PSG5: variants seen among roughly 807,000 people sequenced by gnomAD.
PSG5 encodes pregnancy-specific beta-1-glycoprotein 5.
In PSG5, 53 loss-of-function variants were observed where a neutral mutation model predicts 37.7. The observed-to-expected ratio is 1.41, with a 90% CI of 1.13 to 1.77. The LOEUF (loss-of-function observed/expected upper bound fraction) is 1.77, where lower values mean the gene tolerates loss of function less well. Among genes scored for constraint, PSG5 ranks in the 40% most tolerant of loss-of-function variants. The probability of loss-of-function intolerance (pLI) is 0.00; values close to 1 mark genes in which losing one functional copy is unlikely to be tolerated. For missense variants in PSG5, 547 were observed against 405.2 expected (o/e 1.35, Z -3.00); for synonymous variants, 221 against 155.4 (o/e 1.42, Z -3.14).
rs760268433 is a variant in PSG5 at position 43,184,954 on chromosome 19, A to G, written c.258T>C (p.Gly86=). Reference sequence around the variant, plus strand: ...ATGCAGGCCCATATATATTTATTTGACCGTCTACTACATATGATGTAATGT... The same window carrying G: ...ATGCAGGCCCATATATATTTATTTGGCCGTCTACTACATATGATGTAATGT... ...YHYITSYVVD[G]QINIYGPAYT... Residue 86 remains glycine, a synonymous_variant, in exon 2 of 6, where the codon GGT becomes GGC. Transcript: ENST00000342951. The G allele has an allele frequency of 1.5e-5, 24 of 1,612,290 alleles. 2 individuals carry two copies. In the African/African-American group the frequency reaches 2.0e-4, roughly 14 times the overall value.
intron 2 of PSG5, among the ~76,000 whole-genome samples, chr19:43,178,320 G>C (rs1453533989): frequency 6.6e-6 from 1 of 151,498 alleles, no homozygotes; most frequent in Non-Finnish European, 1.5e-5. Flanking sequence ...TTGGTGATTT[G>C]GGGAATAAAG....
At chr19:43,180,144 A>C (rs1969097236) in intron 2 of PSG5, among the ~76,000 whole-genome samples, 2 of 151,548 alleles carry the variant, frequency 1.3e-5, no homozygotes, top group South Asian at 2.1e-4. Context: ...TATGTACCTC[A>C]TATCAGTGGA....
At chr19:43,177,644 G>A (rs140979910) in intron 2 of PSG5, among the ~76,000 whole-genome samples, 4 of 151,474 alleles carry the variant, frequency 2.6e-5, no homozygotes, top group East Asian at 1.9e-4. Context: ...TATGTCATGA[G>A]AACTTTAAAC....
intron 4 of PSG5, 25 bp from the exon 5 acceptor site, chr19:43,170,163 A>C: frequency 6.4e-7 from 1 of 1,556,072 alleles, no homozygotes; most frequent in Non-Finnish European, 8.8e-7. Context: ...AAAGTAAAGA[A>C]GGAATGAAGG....
intron 1 of PSG5, 33 bp from the exon 2 acceptor site, chr19:43,185,180 A>T: frequency 6.4e-7 from 1 of 1,569,766 alleles, no homozygotes; most frequent in Non-Finnish European, 8.6e-7. Context: ...GTCAATATTG[A>T]GACCTGTGTA....
chr19:43,179,141 G>A, intron 2 of PSG5: 2 of 1,595,756 alleles, frequency 1.3e-6, no homozygotes, highest in Non-Finnish European at 1.7e-6. Context: ...TGGAGATGGA[G>A]GGCTTGGGAG....
chr19:43,184,770 G>A lies in PSG5; in HGVS notation c.430+12C>T, dbSNP rs757890696. 4.3e-6 allele frequency: 7 copies of A among 1,611,964 alleles called. No individual in the cohort carries two copies. The highest frequency in any genetic ancestry group is 2.2e-5 in the East Asian group (1 of 44,864). On this transcript the variant is annotated intron_variant, in intron 2 of 5. Coordinates refer to ENST00000342951, the MANE Select transcript of PSG5 (RefSeq NM_002781.4). ...GTCCCCCAACACCCAGGGATCATGT[G>A]GAATCACTCACGGTATAAGTTGAAG... is the stretch of plus-strand genomic sequence containing the variant.
chr19:43,184,924 A>T lies in PSG5; in HGVS notation c.288T>A (p.Thr96=). Residue 96 remains threonine, a synonymous_variant, in exon 2 of 6, where the codon ACT becomes ACA. Coordinates refer to ENST00000342951, the MANE Select transcript of PSG5 (RefSeq NM_002781.4). ...CATTGGAATATACTGTTTCTCGTCC[A>T]GTGTATGCAGGCCCATATATATTTA... is the stretch of plus-strand genomic sequence containing the variant. ...GQINIYGPAY[T]GRETVYSNAS... is the part of the protein sequence containing the mutation. 6.2e-7 allele frequency: 1 copy of T among 1,612,590 alleles called. No individual in the cohort carries two copies. The highest frequency in any genetic ancestry group is 8.5e-7 in the Non-Finnish European group (1 of 1,179,168).
chr19:43,173,800 T>C (rs902882016), intron 4 of PSG5, among the ~76,000 whole-genome samples: 3 of 151,602 alleles, frequency 2.0e-5, no homozygotes, highest in African/African-American at 7.3e-5. Flanking sequence ...CTGTAAAAAG[T>C]GGTGTGGCTG....
chr19:43,167,967 TG>T lies in PSG5; in HGVS notation c.*276del, dbSNP rs1968822149. The T allele has an allele frequency of 2.5e-6, 1 of 403,494 alleles. No homozygotes were observed. The highest frequency in any genetic ancestry group is 4.6e-6 in the Non-Finnish European group (1 of 219,170). 25.0% of individuals were successfully genotyped at this position (403,494 alleles called of 1,614,324 possible). ...GAAAATTATGAAAACATTATGCTTT[TG>T]ATTATTTAGTCCAATAACATGGAGT... On this transcript the variant is annotated 3_prime_UTR_variant, in exon 6 of 6. Transcript: ENST00000342951.
At chr19:43,170,514 C>T in intron 4 of PSG5, 1 of 445,304 alleles carries the variant, frequency 2.2e-6, no homozygotes, top group Non-Finnish European at 4.4e-6. Flanking sequence ...TGTCAGGTCT[C>T]CATGGCAGGG....
chr19:43,170,090 G>C lies in PSG5; in HGVS notation c.*5C>G, dbSNP rs3207395. ...TCCTGAAATACAGAAATGACTTCAC[G>C]GCTGCTATATTGGATTAAGGAGAGG... On this transcript the variant is annotated 3_prime_UTR_variant, in exon 5 of 6. Transcript: ENST00000342951. 1.9e-6 allele frequency: 3 copies of C among 1,580,096 alleles called. No homozygotes were observed. The highest frequency in any genetic ancestry group is 1.7e-5 in the Admixed American group (1 of 59,138).
chr19:43,169,240 T>A (rs1281193985), intron 5 of PSG5, among the ~76,000 whole-genome samples: 1 of 151,700 alleles, frequency 6.6e-6, no homozygotes, highest in East Asian at 1.9e-4. Context: ...CCTTGCCTTC[T>A]TCATTTCTGT....
At chr19:43,179,149 G>A (rs1390774599) in intron 2 of PSG5, 12 of 1,592,070 alleles carry the variant, frequency 7.5e-6, no homozygotes, top group Non-Finnish European at 1.0e-5. Context: ...GAGGGCTTGG[G>A]AGTTTCCACT....
chr19:43,176,247 C>A, intron 2 of PSG5, 99 bp from the exon 3 acceptor site: 1 of 1,544,442 alleles, frequency 6.5e-7, no homozygotes, highest in South Asian at 1.2e-5. Flanking sequence ...TGTCAACCCA[C>A]CAGAGTCCTT....
intron 2 of PSG5, chr19:43,178,805 A>G (rs1301585940): frequency 5.6e-6 from 9 of 1,610,678 alleles, no homozygotes; most frequent in Non-Finnish European, 5.1e-6. Flanking sequence ...CCTGAGAGGG[A>G]CTGAGAGGCC....
intron 4 of PSG5, chr19:43,171,369 G>A (rs1305664468): frequency 6.5e-6 from 1 of 152,830 alleles, no homozygotes; most frequent in Non-Finnish European, 1.5e-5. Flanking sequence ...GAGGTTCAGA[G>A]AAGTTGAGTC....
intron 4 of PSG5, among the ~76,000 whole-genome samples, chr19:43,172,555 T>G (rs1468067718): frequency 6.6e-6 from 1 of 151,608 alleles, no homozygotes; most frequent in Non-Finnish European, 1.5e-5. Context: ...AAATCAACAT[T>G]CAAACATCAG....
chr19:43,183,156 G>C (rs1969165847), intron 2 of PSG5: 1 of 255,068 alleles, frequency 3.9e-6, no homozygotes, highest in Non-Finnish European at 7.8e-6. Flanking sequence ...ACTGACTTCA[G>C]AGACCCCAGG....
Sources: allele counts gnomAD v4.1 joint callset (sites outside exome capture counted in the v4.1 genomes callset), GRCh38; gene constraint gnomAD v4.1.1; transcripts MANE v1.5; gene names NCBI Gene and HGNC (gene_info 2026-07-23, HGNC 2026-07-21).